Variants in ZNF827 observed in about 807,000 individuals in gnomAD.
ZNF827 encodes the protein zinc finger protein 827.
ZNF827 carries 13 observed loss-of-function variants against 102.4 expected under a neutral mutation model. The observed-to-expected ratio is 0.13, with a 90% CI of 0.08 to 0.20. The LOEUF is 0.20. Among genes scored for constraint, ZNF827 ranks in the 10% least tolerant of loss-of-function variants. The pLI, the probability that ZNF827 is intolerant of heterozygous loss-of-function variation, is 1.00. For missense variants in ZNF827, 1,103 were observed against 1,344.4 expected (o/e 0.82, Z 2.81); for synonymous variants, 523 against 536.2 (o/e 0.98, Z 0.34).
At chr4:145,814,705 C>T (rs555526178) in intron 8 of ZNF827, among the ~76,000 whole-genome samples, 129 of 150,806 alleles carry the variant, frequency 8.6e-4, no homozygotes, top group Non-Finnish European at 1.3e-3. Context: ...GGGCGGATCA[C>T]CTGAAGTCAG....
chr4:145,902,636 G>A lies in ZNF827; in HGVS notation c.623C>T (p.Pro208Leu), dbSNP rs766378307. 3.1e-6 allele frequency: 5 copies of A among 1,613,914 alleles called. No homozygotes were observed. Among genetic ancestry groups the A allele is most frequent in the Admixed American group, 1.7e-5 (1 of 60,006 alleles). ...TTTCAGTTTTAGGATGGCTGAATCCGGAGACAAGCTGCAGGTGGTGGTTGA... is the reference window on the plus strand; with the variant it reads ...TTTCAGTTTTAGGATGGCTGAATCCAGAGACAAGCTGCAGGTGGTGGTTGA... Reference protein sequence around the residue: ...PNSTTTCSLSPDSAILKLKAA... With the variant: ...PNSTTTCSLSLDSAILKLKAA... The change falls in exon 2 of 15, where the codon CCG becomes CTG. Residue 208 changes from proline (P) to leucine (L), a missense_variant. Coordinates refer to ENST00000508784, the MANE Select transcript of ZNF827 (RefSeq NM_001306215.2). This position sits in a 1 kb window ranked among gnomAD's most constrained non-coding sequence, Gnocchi z 4.3.
At chr4:145,904,460 T>C (rs1439864624) in intron 1 of ZNF827, among the ~76,000 whole-genome samples, 1 of 152,158 alleles carries the variant, frequency 6.6e-6, no homozygotes, top group Non-Finnish European at 1.5e-5. Context: ...GCTGCAATTT[T>C]AAACAGGTGG....
intron 5 of ZNF827, among the ~76,000 whole-genome samples, chr4:145,851,740 C>G (rs1055552658): frequency 1.1e-4 from 17 of 152,112 alleles, no homozygotes; most frequent in African/African-American, 3.9e-4. Context: ...CTCTTCATGT[C>G]TGCAAAGCAG....
intron 1 of ZNF827, among the ~76,000 whole-genome samples, chr4:145,926,662 T>A (rs558479143): frequency 3.3e-5 from 5 of 152,344 alleles, no homozygotes; most frequent in African/African-American, 1.2e-4. Flanking sequence ...TTAAGCATTA[T>A]CGCATGAGTT....
chr4:145,912,752 G>C (rs1194020075), intron 1 of ZNF827, among the ~76,000 whole-genome samples: 1 of 152,230 alleles, frequency 6.6e-6, no homozygotes, highest in Non-Finnish European at 1.5e-5. Context: ...GTCTGGAACA[G>C]ACCCTTCCCT....
Position 145,931,912 on chromosome 4 carries a change from C to T in ZNF827, c.43+6453G>A, listed in dbSNP as rs1279578828. ...GTGCTGCAGTCTGAATGTTGGTGTC[C>T]CCCCCAAATTCATGTTGAAACTTAA... On this transcript the variant is annotated intron_variant, in intron 1 of 14. Coordinates refer to ENST00000508784, the MANE Select transcript of ZNF827 (RefSeq NM_001306215.2). Among the ~76,000 whole-genome samples the T allele has an allele frequency of 2.0e-5, 3 of 152,072 alleles. No homozygotes were observed. In the East Asian group the frequency reaches 5.8e-4, roughly 29 times the overall value.
At chr4:145,888,403 T>C (rs1197922599) in intron 3 of ZNF827, among the ~76,000 whole-genome samples, 1 of 152,252 alleles carries the variant, frequency 6.6e-6, no homozygotes, top group Non-Finnish European at 1.5e-5. Flanking sequence ...AAGCACGTCA[T>C]TCTCTCCAGG....
At chr4:145,872,945 C>CTTTTT (rs201105472) in intron 4 of ZNF827, among the ~76,000 whole-genome samples, 1 of 130,608 alleles carries the variant, frequency 7.7e-6, no homozygotes, top group Non-Finnish European at 1.6e-5. Context: ...TTTTTCTTTT[C>CTTTTT]TTTTTTTTTT....
At chr4:145,912,904 T>C (rs1298157966) in intron 1 of ZNF827, among the ~76,000 whole-genome samples, 1 of 152,134 alleles carries the variant, frequency 6.6e-6, no homozygotes, top group Non-Finnish European at 1.5e-5. Context: ...CTAATATAAG[T>C]ATATTTGGAT....
rs574475673 is a variant in ZNF827, at chr4:145,850,161, C to T, written c.1982-600G>A. The stretch of plus-strand genomic sequence containing the variant: ...AGTAGCTGGGACTACAGGCACCTGC[C>T]ACAATATTCGGCTAATTTTTGTATT... On this transcript the variant is annotated intron_variant, in intron 5 of 14. Coordinates refer to ENST00000508784, the MANE Select transcript of ZNF827 (RefSeq NM_001306215.2). Among the ~76,000 whole-genome samples the T allele has an allele frequency of 1.3e-4, 20 of 152,208 alleles. No individual in the cohort carries two copies. In the South Asian group the frequency reaches 2.1e-3, roughly 16 times the overall value.
chr4:145,804,022 G>T (rs1344223953), intron 8 of ZNF827, among the ~76,000 whole-genome samples: 4 of 152,046 alleles, frequency 2.6e-5, no homozygotes, highest in African/African-American at 9.7e-5. Flanking sequence ...AGTCAACCAA[G>T]AATTTTTTAA....
chr4:145,925,567 A>G (rs909345229), intron 1 of ZNF827, among the ~76,000 whole-genome samples: 5 of 152,292 alleles, frequency 3.3e-5, no homozygotes, highest in African/African-American at 1.2e-4. Context: ...TAAATGCTCA[A>G]AAGTTTTCCT....
intron 8 of ZNF827, among the ~76,000 whole-genome samples, chr4:145,811,688 C>T (rs980869210): frequency 1.3e-5 from 2 of 152,082 alleles, no homozygotes; most frequent in African/African-American, 4.8e-5. Flanking sequence ...CATGGGCTGC[C>T]CAAACTCCTT....
At chr4:145,812,854 T>C (rs1241446019) in intron 8 of ZNF827, among the ~76,000 whole-genome samples, 2 of 152,050 alleles carry the variant, frequency 1.3e-5, no homozygotes, top group Non-Finnish European at 2.9e-5. Context: ...AAAAGGAGAG[T>C]TACTTCATGG....
chr4:145,836,132 C>T (rs1057484849), intron 7 of ZNF827, among the ~76,000 whole-genome samples: 2 of 152,122 alleles, frequency 1.3e-5, no homozygotes, highest in Middle Eastern at 3.4e-3. Context: ...AGACAGCCCC[C>T]GTTACTTCAA....
rs1735193899 is a variant in ZNF827 at position 145,765,772 on chromosome 4, GA to G, written c.2861-35del. 1 of 1,597,224 alleles carries G rather than the reference GA, an allele frequency of 6.3e-7. No homozygotes were observed. The highest frequency in any genetic ancestry group is 2.2e-5 in the East Asian group (1 of 44,644). On this transcript the variant is annotated intron_variant, in intron 11 of 14. Transcript: ENST00000508784. The surrounding 1 kb of genome is among the most constrained non-coding windows in gnomAD (Gnocchi z 4.7). ...TAAGCAAATAACCCAGTCTGTTAAT[GA>G]GATGAAAATCCTCAGAATTATAGCA...
intron 3 of ZNF827, among the ~76,000 whole-genome samples, chr4:145,890,160 A>T (rs1579489213): frequency 6.6e-6 from 1 of 152,160 alleles, no homozygotes; most frequent in Non-Finnish European, 1.5e-5. Flanking sequence ...TAAAAAAAGA[A>T]CAGCCAATAA....
intron 11 of ZNF827, among the ~76,000 whole-genome samples, chr4:145,767,138 A>G (rs1735428228): frequency 6.6e-6 from 1 of 152,252 alleles, no homozygotes; most frequent in Non-Finnish European, 1.5e-5. Flanking sequence ...TAGACTTCGC[A>G]GACAAGGACA....
At chr4:145,919,088 C>A (rs997820444) in intron 1 of ZNF827, among the ~76,000 whole-genome samples, 5 of 152,030 alleles carry the variant, frequency 3.3e-5, no homozygotes, top group African/African-American at 4.8e-5. Context: ...AGACTCCCAT[C>A]TCTACAAAAA....
Sources: allele counts gnomAD v4.1 joint callset (sites outside exome capture counted in the v4.1 genomes callset), GRCh38; gene constraint gnomAD v4.1.1; non-coding constraint Gnocchi (gnomAD v3.1); transcripts MANE v1.5; gene names NCBI Gene and HGNC (gene_info 2026-07-23, HGNC 2026-07-21).